Variants in SLC22A12 observed in about 807,000 individuals in gnomAD.
SLC22A12 encodes the protein organic anion transporter 4-like protein.
SLC22A12 carries 56 observed loss-of-function variants against 52.7 expected under a neutral mutation model. The observed-to-expected ratio is 1.06, with a 90% CI of 0.86 to 1.33. The LOEUF (loss-of-function observed/expected upper bound fraction) is 1.33, where lower values mean the gene tolerates loss of function less well. Ranked by LOEUF, SLC22A12 falls within the 40% of genes most tolerant of loss-of-function variation. The pLI, the probability that SLC22A12 is intolerant of heterozygous loss-of-function variation, is 0.00. For synonymous variants in SLC22A12, 337 were observed against 324.6 expected (o/e 1.04, Z -0.41); for missense variants, 683 against 741.5 (o/e 0.92, Z 0.92).
In SLC22A12 at chr11:64,601,868, T is replaced by A; in HGVS notation, c.*317T>A. On this transcript the variant is annotated 3_prime_UTR_variant, in exon 10 of 10. Transcript: ENST00000377574. ...GGGAACGAGCTGGCCTTGCCAACCC[T>A]CTGCTTGACTCCGCACTGCCACTTG... The A allele has an allele frequency of 2.5e-6, 1 of 395,958 alleles. No homozygotes were observed. 24.5% of individuals were successfully genotyped at this position (395,958 alleles called of 1,614,324 possible).
chr11:64,597,812 G>A (rs1282290259), intron 4 of SLC22A12, among the ~76,000 whole-genome samples: 1 of 152,198 alleles, frequency 6.6e-6, no homozygotes, highest in Non-Finnish European at 1.5e-5. Context: ...GTTTGACACT[G>A]AGGGTAGTGG....
chr11:64,592,618 G>A (rs1367858480), intron 1 of SLC22A12, among the ~76,000 whole-genome samples, 161 bp from the exon 2 acceptor site: 1 of 152,164 alleles, frequency 6.6e-6, no homozygotes, highest in Non-Finnish European at 1.5e-5. Flanking sequence ...AACTATGCCT[G>A]TGGGTGCCCT....
At chr11:64,594,496 AGGT>A (rs2039023794) in intron 4 of SLC22A12, among the ~76,000 whole-genome samples, 1 of 148,966 alleles carries the variant, frequency 6.7e-6, no homozygotes, top group Non-Finnish European at 1.5e-5. Flanking sequence ...ATAGGTAGGT[AGGT>A]AGGTAGGTAG....
At position 64,602,037 on chromosome 11, in the gene SLC22A12, C is replaced by T. The variant is rs1396813725; in HGVS notation, c.*486C>T. ...TGTAAGCCTGGCCCCTGGCCCCTCC[C>T]CATGTCCCTCCAGGCCTCAGCCACC... On this transcript the variant is annotated 3_prime_UTR_variant, in exon 10 of 10. Transcript: ENST00000377574. The T allele has an allele frequency of 4.2e-6, 1 of 237,550 alleles. No individual in the cohort carries two copies. Among genetic ancestry groups the T allele is most frequent in the Non-Finnish European group, 8.4e-6 (1 of 119,692 alleles). 14.7% of individuals were successfully genotyped at this position (237,550 alleles called of 1,614,324 possible). A position where few individuals can be genotyped will look rare whatever the true frequency, so the allele number is the denominator to read the frequency against.
intron 8 of SLC22A12, 29 bp downstream of exon 8, chr11:64,600,504 G>T: frequency 6.5e-7 from 1 of 1,546,960 alleles, no homozygotes; most frequent in East Asian, 2.3e-5. Flanking sequence ...TCCAGGAGAG[G>T]GGAGCCCTGG....
Position 64,598,839 on chromosome 11 carries a change from G to A in SLC22A12, c.986G>A (p.Ser329Asn). ...CTTTCAGCCATGCGGGAGGAGCTGA[G>A]CATGGGCCAGCCTCCTGCCAGCCTG... ...VLLSAMREEL[S>N]MGQPPASLGT... The change falls in exon 6 of 10, where the codon AGC becomes AAC. Residue 329 changes from serine (S) to asparagine (N), a missense_variant. Ser to Asn is a conservative substitution (Grantham distance 46, BLOSUM62 1). Transcript: ENST00000377574. 6.2e-7 allele frequency: 1 copy of A among 1,612,676 alleles called. No homozygotes were observed. The highest frequency in any genetic ancestry group is 1.1e-5 in the South Asian group (1 of 91,084).
chr11:64,600,599 C>T lies in SLC22A12; in HGVS notation c.1394+124C>T, dbSNP rs887789749. Reference sequence around the variant, plus strand: ...CATGCATCTCCCTCTTGTGTGGTCCCCGGGGCTGCTCAGGTGCATCCCAAG... The same window carrying T: ...CATGCATCTCCCTCTTGTGTGGTCCTCGGGGCTGCTCAGGTGCATCCCAAG... On this transcript the variant is annotated intron_variant, in intron 8 of 9. Coordinates refer to ENST00000377574, the MANE Select transcript of SLC22A12 (RefSeq NM_144585.4). The T allele has an allele frequency of 3.7e-5, 52 of 1,412,938 alleles. 1 individual carries two copies. Among genetic ancestry groups the T allele is most frequent in the Admixed American group, 3.8e-5 (2 of 52,026 alleles). The allele number at this position is 1,412,938 out of a possible 1,614,324, so 87.5% of individuals were successfully genotyped here. A position where few individuals can be genotyped will look rare whatever the true frequency, so the allele number is the denominator to read the frequency against.
Position 64,599,902 on chromosome 11 carries a change from A to G in SLC22A12, c.1285+12A>G. ...GCTGGTGCCCCACGGTGAGGGGGCA[A>G]AGCTGTACACCAGAGACTTCCCTAC... On this transcript the variant is annotated intron_variant, in intron 7 of 9. Coordinates refer to ENST00000377574, the MANE Select transcript of SLC22A12 (RefSeq NM_144585.4). 1 of 1,610,720 alleles carries G rather than the reference A, an allele frequency of 6.2e-7. No individual in the cohort carries two copies. The highest frequency in any genetic ancestry group is 8.5e-7 in the Non-Finnish European group (1 of 1,178,860).
chr11:64,592,215 A>G (rs973164286), intron 1 of SLC22A12, among the ~76,000 whole-genome samples: 10 of 152,000 alleles, frequency 6.6e-5, no homozygotes, highest in African/African-American at 2.2e-4. Flanking sequence ...GCACCTGGAC[A>G]CTCACCGGCC....
chr11:64,594,738 C>T (rs369111940), intron 4 of SLC22A12, among the ~76,000 whole-genome samples: 23 of 113,274 alleles, frequency 2.0e-4, no homozygotes, highest in South Asian at 6.8e-4. Context: ...GACAGACGGA[C>T]GGACGGTTGG....
intron 9 of SLC22A12, 112 bp from the exon 10 acceptor site, chr11:64,601,376 G>A: frequency 1.8e-6 from 2 of 1,089,930 alleles, no homozygotes; most frequent in Non-Finnish European, 2.7e-6. Context: ...CTCAGTTCTG[G>A]GCCCCCGAGA....
At chr11:64,600,215 G>A in intron 7 of SLC22A12, 152 bp from the exon 8 acceptor site, 1 of 754,970 alleles carries the variant, frequency 1.3e-6, no homozygotes, top group Non-Finnish European at 2.3e-6. Flanking sequence ...GTGTGGCCAT[G>A]AGGCCACTCA....
In SLC22A12 at chr11:64,598,604, G is replaced by A. The variant is rs746952749; in HGVS notation, c.919G>A (p.Gly307Arg). The A allele has an allele frequency of 1.4e-5, 23 of 1,610,772 alleles. No individual in the cohort carries two copies. The highest frequency in any genetic ancestry group is 1.2e-4 in the South Asian group (11 of 90,458). ...QELWRVAAINGKGAVQDTLTP... is the reference protein window; with the variant it reads ...QELWRVAAINRKGAVQDTLTP... ...GCTGTGGAGGGTGGCTGCCATCAAC[G>A]GAAAGGGGGCAGTGCAGGACACCCT... Residue 307 changes from glycine to arginine, a missense_variant, in exon 5 of 10, where the codon GGA becomes AGA. Transcript: ENST00000377574.
chr11:64,593,962 C>G (rs1439537601), intron 4 of SLC22A12, among the ~76,000 whole-genome samples, 159 bp downstream of exon 4: 1 of 152,200 alleles, frequency 6.6e-6, no homozygotes, highest in Non-Finnish European at 1.5e-5. Context: ...GTACCACCCA[C>G]AAACCCAAGA....
rs1365140663 is a variant in SLC22A12, at chr11:64,591,821, C to T, written c.265C>T (p.Arg89Cys). 19 of 1,611,874 alleles carry T rather than the reference C, an allele frequency of 1.2e-5. No homozygotes were observed. The highest frequency in any genetic ancestry group is 1.6e-4 in the Middle Eastern group (1 of 6,070). Residue 89 changes from arginine (R) to cysteine (C), a missense_variant, in exon 1 of 10, where the codon CGC becomes TGC. Transcript: ENST00000377574. ...CCCCAACCAGAGGCCCCACCAGTGC[C>T]GCCGCTTCCGCCAGCCACAGTGGCA... ...PGPNQRPHQC[R>C]RFRQPQWQLL...
At chr11:64,601,233 G>A (rs1250173523) in intron 9 of SLC22A12, among the ~76,000 whole-genome samples, 1 of 152,168 alleles carries the variant, frequency 6.6e-6, no homozygotes, top group African/African-American at 2.4e-5. Context: ...GAGAAGAGTG[G>A]ATAGTCCTTT....
At chr11:64,597,441 C>A (rs867542129) in intron 4 of SLC22A12, among the ~76,000 whole-genome samples, 2 of 152,194 alleles carry the variant, frequency 1.3e-5, no homozygotes, top group African/African-American at 4.8e-5. Flanking sequence ...CCTTAGACCT[C>A]TCCTCCCCAA....
At chr11:64,600,328 G>A in intron 7 of SLC22A12, 39 bp from the exon 8 acceptor site, 1 of 1,485,724 alleles carries the variant, frequency 6.7e-7, no homozygotes. Context: ...CTGATCTTGG[G>A]CCCCCCACCA....
chr11:64,593,475 G>T lies in SLC22A12; in HGVS notation c.577G>T (p.Ala193Ser), dbSNP rs771103495. 6.2e-7 allele frequency: 1 copy of T among 1,614,092 alleles called. No individual in the cohort carries two copies. Among genetic ancestry groups the T allele is most frequent in the Admixed American group, 1.7e-5 (1 of 60,034 alleles). Residue 193 changes from alanine (A) to serine (S), a missense_variant, in exon 3 of 10, where the codon GCC (alanine) becomes TCC (serine). Coordinates refer to ENST00000377574, the MANE Select transcript of SLC22A12 (RefSeq NM_144585.4). ...MAVMGTAAAF[A>S]PAFPVYCLFR... is the part of the protein sequence containing the mutation. The stretch of plus-strand genomic sequence containing the variant: ...TGTGATGGGTACGGCAGCTGCCTTC[G>T]CCCCTGCCTTCCCCGTGTACTGCCT...
Sources: allele counts gnomAD v4.1 joint callset (sites outside exome capture counted in the v4.1 genomes callset), GRCh38; gene constraint gnomAD v4.1.1; transcripts MANE v1.5; gene names NCBI Gene and HGNC (gene_info 2026-07-23, HGNC 2026-07-21).